Variants in DNM1L observed in about 807,000 individuals in gnomAD.
DNM1L encodes the protein dynamin 1L, also known as dynamin-1-like protein.
A neutral mutation model predicts 92.8 loss-of-function variants in DNM1L; 33 were observed. The ratio of observed to expected loss-of-function variants is 0.36; its 90% CI spans 0.27 to 0.48. DNM1L has a LOEUF of 0.48. Ranked by LOEUF, DNM1L falls within the 20% of genes least tolerant of loss-of-function variation. The probability of loss-of-function intolerance (pLI) is 0.99; values close to 1 mark genes in which losing one functional copy is unlikely to be tolerated. For synonymous variants in DNM1L, 284 were observed against 305.0 expected, an observed-to-expected ratio of 0.93 and a Z score of 0.72; for missense variants, 485 against 888.8, an observed-to-expected ratio of 0.55 and a Z score of 5.78.
rs964607044 is a variant in DNM1L at position 32,731,208 on chromosome 12, T to C, written c.1200+74T>C. Reference sequence around the variant, plus strand: ...TTTTCTTACCCATATACTGTGTCTTTTTAAATTTAATTATACAGTTTATTT... The same window carrying C: ...TTTTCTTACCCATATACTGTGTCTTCTTAAATTTAATTATACAGTTTATTT... On this transcript the variant is annotated intron_variant, in intron 10 of 19. Transcript: ENST00000549701. This position sits in a 1 kb window ranked among gnomAD's most constrained non-coding sequence, Gnocchi z 5.1. The C allele has an allele frequency of 3.1e-6, 5 of 1,602,044 alleles. No homozygotes were observed. Among genetic ancestry groups the C allele is most frequent in the African/African-American group, 1.3e-5 (1 of 74,386 alleles).
chr12:32,681,020 AGTT>A (rs1951781232), intron 1 of DNM1L, among the ~76,000 whole-genome samples: 1 of 152,196 alleles, frequency 6.6e-6, no homozygotes, highest in Non-Finnish European at 1.5e-5. Flanking sequence ...AAAATCAATA[AGTT>A]GTTTTTTTCT....
At chr12:32,739,288 C>G (rs1278095144) in intron 16 of DNM1L, among the ~76,000 whole-genome samples, 1 of 152,022 alleles carries the variant, frequency 6.6e-6, no homozygotes, top group Non-Finnish European at 1.5e-5. Context: ...AAAAAAAACC[C>G]TCTTAAATGT....
chr12:32,708,501 A>T (rs569176894), intron 4 of DNM1L, among the ~76,000 whole-genome samples: 82 of 152,264 alleles, frequency 5.4e-4, no homozygotes, highest in African/African-American at 1.9e-3. Context: ...TGTCATGTAC[A>T]TGCCACATTA....
intron 6 of DNM1L, among the ~76,000 whole-genome samples, chr12:32,717,813 ACT>A (rs1953547405): frequency 9.1e-6 from 1 of 110,078 alleles, no homozygotes; most frequent in Non-Finnish European, 1.7e-5. Context: ...AAATATATAT[ACT>A]ATAAAATATA....
intron 14 of DNM1L, 32 bp from the exon 15 acceptor site, chr12:32,737,833 T>C (rs1172841389): frequency 1.3e-6 from 2 of 1,573,970 alleles, no homozygotes; most frequent in South Asian, 1.1e-5. Context: ...GCATCCTTGA[T>C]TTTTTTTCCC....
chr12:32,705,902 T>A, intron 2 of DNM1L: 1 of 1,578,012 alleles, frequency 6.3e-7, no homozygotes, highest in Non-Finnish European at 8.6e-7. Context: ...TTTTTTTCTC[T>A]TATGCCTGCA....
chr12:32,737,968 C>G (rs772737813), intron 15 of DNM1L, 26 bp downstream of exon 15: 2 of 1,608,352 alleles, frequency 1.2e-6, no homozygotes, highest in Admixed American at 3.3e-5. Flanking sequence ...TAATCTAAGC[C>G]TGCATGCCTT....
chr12:32,717,283 TAC>T (rs1953452030), intron 6 of DNM1L, among the ~76,000 whole-genome samples: 2 of 100,560 alleles, frequency 2.0e-5, no homozygotes, highest in Admixed American at 1.4e-4. Flanking sequence ...ATATTATATA[TAC>T]ACTATATATT....
intron 5 of DNM1L, among the ~76,000 whole-genome samples, chr12:32,712,863 C>A (rs1156749530): frequency 6.6e-6 from 1 of 151,976 alleles, no homozygotes; most frequent in Admixed American, 6.6e-5. Flanking sequence ...CATAATCTGA[C>A]ATGACCTGAA....
intron 15 of DNM1L, 90 bp from the exon 16 acceptor site, chr12:32,738,174 G>A: frequency 1.4e-6 from 2 of 1,472,340 alleles, no homozygotes; most frequent in Non-Finnish European, 1.9e-6. Flanking sequence ...GTAATTTAAA[G>A]AGGAAATTAT....
At chr12:32,706,626 A>ACGCT in intron 2 of DNM1L, 1 of 451,916 alleles carries the variant, frequency 2.2e-6, no homozygotes, top group South Asian at 1.6e-5. Flanking sequence ...GCAACTCCTT[A>ACGCT]CGCTGCATAT....
chr12:32,706,013 T>C (rs1475324971), intron 2 of DNM1L: 5 of 624,520 alleles, frequency 8.0e-6, no homozygotes, highest in East Asian at 6.0e-5. Context: ...CTTGTTATTT[T>C]TTTTGGCATT....
intron 1 of DNM1L, among the ~76,000 whole-genome samples, chr12:32,680,720 A>G (rs1188709554): frequency 6.6e-6 from 1 of 152,194 alleles, no homozygotes; most frequent in Non-Finnish European, 1.5e-5. Flanking sequence ...ATTGAACATA[A>G]TTTTGTTCAG....
chr12:32,725,830 C>T (rs1458865750), intron 9 of DNM1L, among the ~76,000 whole-genome samples: 2 of 151,808 alleles, frequency 1.3e-5, no homozygotes, highest in African/African-American at 4.8e-5. Flanking sequence ...GTGTTGAACT[C>T]CTGACCTCAG....
intron 13 of DNM1L, 143 bp downstream of exon 13, chr12:32,733,950 G>T: frequency 1.4e-6 from 1 of 696,092 alleles, no homozygotes; most frequent in Non-Finnish European, 2.5e-6. Flanking sequence ...TATGCTGAGG[G>T]GATTACATTG....
chr12:32,744,794 G>A lies in DNM1L; in HGVS notation c.*1384G>A, dbSNP rs1217457038. ...AGACCTAAGCTGCATTTATGGGGTA[G>A]TGATGAGGTTTAGAACATATACATA... On this transcript the variant is annotated 3_prime_UTR_variant, in exon 20 of 20. Coordinates refer to ENST00000549701, the MANE Select transcript of DNM1L (RefSeq NM_012062.5). The A allele has an allele frequency of 2.2e-6, 1 of 455,358 alleles. No homozygotes were observed. The highest frequency in any genetic ancestry group is 2.4e-5 in the Admixed American group (1 of 41,506). The allele number at this position is 455,358 out of a possible 1,614,324, so 28.2% of individuals were successfully genotyped here. A position where few individuals can be genotyped will look rare whatever the true frequency, so the allele number is the denominator to read the frequency against.
intron 14 of DNM1L, 164 bp downstream of exon 14, chr12:32,737,325 A>G (rs1414258409): frequency 1.6e-6 from 1 of 644,786 alleles, no homozygotes; most frequent in Non-Finnish European, 2.7e-6. Flanking sequence ...GTTTTGAGTG[A>G]TTTAAAGATA....
At position 32,729,214 on chromosome 12, in the gene DNM1L, T is replaced by C. The variant is rs1338896757; in HGVS notation, c.1080-1800T>C. Among the ~76,000 whole-genome samples the C allele has an allele frequency of 3.9e-5, 6 of 152,112 alleles. No individual in the cohort carries two copies. In the East Asian group the frequency reaches 1.2e-3, roughly 29 times the overall value. On this transcript the variant is annotated intron_variant, in intron 9 of 19. Transcript: ENST00000549701. ...CTCCCGCTTCAGCCTCCCGAGTAGCTGGGATTACAGGCGCGCACTACTATG... is the reference window on the plus strand; with the variant it reads ...CTCCCGCTTCAGCCTCCCGAGTAGCCGGGATTACAGGCGCGCACTACTATG...
rs1471576895 is a variant in DNM1L, at chr12:32,717,897, TATATAGTATATATATAAA to T, written c.620-732_620-715del. 5.0e-5 allele frequency among the ~76,000 whole-genome samples: 5 copies of T among 100,388 alleles called. 1 individual carries two copies. The highest frequency in any genetic ancestry group is 2.6e-4 in the South Asian group (1 of 3,886). 65.9% of individuals were successfully genotyped at this position (100,388 alleles called of 152,430 possible). A position where few individuals can be genotyped will look rare whatever the true frequency, so the allele number is the denominator to read the frequency against. ...ATACTATATATATTTATATATACTA[TATATAGTATATATATAAA>T]ATATAGTATATATTTTATATATATA... is the stretch of plus-strand genomic sequence containing the variant. On this transcript the variant is annotated intron_variant, in intron 6 of 19. Transcript: ENST00000549701.
Sources: gnomAD v4.1 joint callset for allele counts (sites outside exome capture counted in the v4.1 genomes callset) on GRCh38, gnomAD v4.1.1 for gene constraint, Gnocchi (gnomAD v3.1) non-coding constraint, MANE v1.5 for transcripts, NCBI Gene and HGNC (gene_info 2026-07-23, HGNC 2026-07-21) for gene names.